DOCK1: variants seen among roughly 807,000 people sequenced by gnomAD.
The protein encoded by DOCK1 is dedicator of cytokinesis 1, also known as dedicator of cytokinesis protein 1.
Under a neutral mutation model 262.7 loss-of-function variants are expected in DOCK1, and 138 were observed. The ratio of observed to expected loss-of-function variants is 0.53; its 90% CI spans 0.46 to 0.61. The LOEUF (loss-of-function observed/expected upper bound fraction) is 0.61, where lower values mean the gene tolerates loss of function less well. DOCK1 is among the 20% of genes least tolerant of loss of function. The pLI, the probability that DOCK1 is intolerant of heterozygous loss-of-function variation, is 0.00. For synonymous variants in DOCK1, 866 were observed against 867.4 expected, an observed-to-expected ratio of 1.00 and a Z score of 0.03; for missense variants, 1,908 against 2,370.7, an observed-to-expected ratio of 0.80 and a Z score of 4.05.
intron 21 of DOCK1, 77 bp from the exon 22 acceptor site, chr10:127,052,604 G>C: frequency 6.3e-7 from 1 of 1,591,576 alleles, no homozygotes; most frequent in East Asian, 2.2e-5. Flanking sequence ...TAACCTACTT[G>C]TATATTTCCT....
At chr10:127,157,221 A>T (rs907761564) in intron 27 of DOCK1, among the ~76,000 whole-genome samples, 1 of 151,816 alleles carries the variant, frequency 6.6e-6, no homozygotes, top group Non-Finnish European at 1.5e-5. Flanking sequence ...ATGAAAAAGC[A>T]GTCAGTCATC....
In DOCK1 at chr10:126,954,803, A is replaced by G. The variant is rs972103863; in HGVS notation, c.47-15899A>G. Among the ~76,000 whole-genome samples, 9 of 152,268 alleles carry G rather than the reference A, an allele frequency of 5.9e-5. No homozygotes were observed. In the East Asian group the frequency reaches 1.4e-3, roughly 23 times the overall value. On this transcript the variant is annotated intron_variant, in intron 1 of 51. Transcript: ENST00000623213. ...GTGGGTAGTATTTCATTATATGTAC[A>G]TACCACGTTTTATCCATTCATCTGT...
intron 23 of DOCK1, among the ~76,000 whole-genome samples, chr10:127,084,961 A>T (rs2136044361): frequency 6.6e-6 from 1 of 152,282 alleles, no homozygotes. Context: ...GAAGACTGGA[A>T]ATCTTGCCTT....
intron 1 of DOCK1, among the ~76,000 whole-genome samples, chr10:126,925,871 C>T (rs1363882472): frequency 1.3e-5 from 2 of 151,536 alleles, no homozygotes; most frequent in East Asian, 2.0e-4. Flanking sequence ...GTGGGGTGTG[C>T]CTGCTATGTG....
At chr10:127,273,021 A>T (rs1032244106) in intron 29 of DOCK1, among the ~76,000 whole-genome samples, 1 of 152,188 alleles carries the variant, frequency 6.6e-6, no homozygotes, top group Non-Finnish European at 1.5e-5. Flanking sequence ...ACACGTGGGA[A>T]TTCAAGATGA....
intron 29 of DOCK1, among the ~76,000 whole-genome samples, chr10:127,273,710 C>G (rs1316027442): frequency 6.6e-6 from 1 of 151,952 alleles, no homozygotes; most frequent in Non-Finnish European, 1.5e-5. Context: ...GACGCAACCC[C>G]ATCTCTACTA....
intron 1 of DOCK1, among the ~76,000 whole-genome samples, chr10:126,930,093 A>G (rs1370275325): frequency 6.6e-6 from 1 of 152,198 alleles, no homozygotes; most frequent in Non-Finnish European, 1.5e-5. Context: ...GCCTTCGTCC[A>G]TTTAGCGTGC....
chr10:127,398,809 G>A (rs1371409142), intron 38 of DOCK1, among the ~76,000 whole-genome samples: 1 of 152,128 alleles, frequency 6.6e-6, no homozygotes, highest in Non-Finnish European at 1.5e-5. Context: ...GTCCCGGCTG[G>A]CATCTTTCCT....
intron 47 of DOCK1, among the ~76,000 whole-genome samples, chr10:127,428,894 CGTGTGG>C (rs2069045881): frequency 3.0e-5 from 3 of 99,668 alleles, no homozygotes; most frequent in Admixed American, 1.2e-4. Flanking sequence ...ATTGGGGTAC[CGTGTGG>C]ATTGAGCCGT....
At chr10:127,091,447 C>G (rs942666175) in intron 23 of DOCK1, among the ~76,000 whole-genome samples, 1 of 152,186 alleles carries the variant, frequency 6.6e-6, no homozygotes, top group Non-Finnish European at 1.5e-5. Context: ...GGATCGCTTT[C>G]CCTCTTTCCT....
chr10:127,427,446 C>T (rs1168814581), intron 47 of DOCK1, among the ~76,000 whole-genome samples: 5 of 152,182 alleles, frequency 3.3e-5, no homozygotes, highest in Non-Finnish European at 7.3e-5. Flanking sequence ...TTAGTGCTCC[C>T]CACGTGCCAG....
chr10:127,222,640 TG>T, intron 27 of DOCK1, among the ~76,000 whole-genome samples: 1 of 141,194 alleles, frequency 7.1e-6, no homozygotes, highest in African/African-American at 2.9e-5. Flanking sequence ...TGTGTTGTGT[TG>T]TGTTGTGTTG....
intron 29 of DOCK1, among the ~76,000 whole-genome samples, chr10:127,282,641 G>A (rs949592713): frequency 2.6e-5 from 4 of 152,190 alleles, no homozygotes; most frequent in Non-Finnish European, 2.9e-5. Context: ...GCACACACCC[G>A]CCTCTCCGTT....
At chr10:127,349,765 C>A (rs1370896926) in intron 31 of DOCK1, among the ~76,000 whole-genome samples, 1 of 152,194 alleles carries the variant, frequency 6.6e-6, no homozygotes, top group African/African-American at 2.4e-5. Flanking sequence ...CTTCCGGTGG[C>A]TGCCCCGGTC....
At chr10:127,170,881 A>G (rs1210302558) in intron 27 of DOCK1, among the ~76,000 whole-genome samples, 1 of 152,226 alleles carries the variant, frequency 6.6e-6, no homozygotes, top group East Asian at 1.9e-4. Context: ...CATTCATGCA[A>G]GCCCGCACTG....
intron 27 of DOCK1, among the ~76,000 whole-genome samples, chr10:127,149,365 C>G (rs890820879): frequency 1.3e-5 from 2 of 152,144 alleles, no homozygotes; most frequent in Non-Finnish European, 2.9e-5. Context: ...GTTTTCCCCC[C>G]GCCTTGAAAT....
intron 12 of DOCK1, among the ~76,000 whole-genome samples, chr10:127,017,574 T>C (rs1026347801): frequency 1.3e-5 from 2 of 151,144 alleles, no homozygotes; most frequent in Non-Finnish European, 3.0e-5. Context: ...CAGATACAGA[T>C]ACACAGACAC....
At chr10:127,049,333 C>T (rs1443324732) in intron 21 of DOCK1, among the ~76,000 whole-genome samples, 1 of 152,064 alleles carries the variant, frequency 6.6e-6, no homozygotes, top group Non-Finnish European at 1.5e-5. Context: ...CCAGCCTGAC[C>T]AACATGGTGA....
intron 50 of DOCK1, among the ~76,000 whole-genome samples, chr10:127,445,629 T>G (rs138025310): frequency 2.0e-5 from 3 of 152,346 alleles, no homozygotes; most frequent in African/African-American, 7.2e-5. Context: ...AGAATAAACC[T>G]ATAATATCAA....
Sources: gnomAD v4.1 joint callset for allele counts (sites outside exome capture counted in the v4.1 genomes callset) on GRCh38, gnomAD v4.1.1 for gene constraint, MANE v1.5 for transcripts, NCBI Gene and HGNC (gene_info 2026-07-23, HGNC 2026-07-21) for gene names.